Variants in KCNQ5 observed in about 807,000 individuals in gnomAD.
The protein encoded by KCNQ5 is potassium voltage-gated channel subfamily KQT member 5.
KCNQ5 carries 30 observed loss-of-function variants against 98.2 expected under a neutral mutation model. The observed-to-expected ratio is 0.31, with a 90% CI of 0.23 to 0.41. The LOEUF is 0.41. Among genes scored for constraint, KCNQ5 ranks in the 10% least tolerant of loss-of-function variants. KCNQ5 has a pLI of 1.00. For synonymous variants in KCNQ5, 458 were observed against 449.4 expected, an observed-to-expected ratio of 1.02 and a Z score of -0.24; for missense variants, 835 against 1,182.5, an observed-to-expected ratio of 0.71 and a Z score of 4.31.
At chr6:72,882,394 G>T (rs540323337) in intron 1 of KCNQ5, among the ~76,000 whole-genome samples, 1 of 152,238 alleles carries the variant, frequency 6.6e-6, no homozygotes, top group South Asian at 2.1e-4. Flanking sequence ...CAGGGTACGG[G>T]CATCAACTAG....
chr6:72,976,450 T>A (rs1768163574), intron 1 of KCNQ5, among the ~76,000 whole-genome samples: 1 of 152,242 alleles, frequency 6.6e-6, no homozygotes, highest in African/African-American at 2.4e-5. Flanking sequence ...TTATTTTCCA[T>A]AGTGTCAGCA....
intron 1 of KCNQ5, among the ~76,000 whole-genome samples, chr6:72,822,294 T>C (rs1014224319): frequency 6.6e-6 from 1 of 152,210 alleles, no homozygotes; most frequent in Non-Finnish European, 1.5e-5. Context: ...TGCCACTGTA[T>C]GTGGTCATTT....
intron 1 of KCNQ5, among the ~76,000 whole-genome samples, chr6:72,671,763 G>A (rs1767118561): frequency 6.6e-6 from 1 of 151,838 alleles, no homozygotes; most frequent in Non-Finnish European, 1.5e-5. Context: ...ATTTTTTGGT[G>A]GTATATGTAT....
chr6:73,110,558 A>G (rs1775201901), intron 6 of KCNQ5, among the ~76,000 whole-genome samples: 1 of 152,220 alleles, frequency 6.6e-6, no homozygotes, highest in South Asian at 2.1e-4. Flanking sequence ...AGCCAAAATA[A>G]AAAAGGCAAG....
intron 1 of KCNQ5, among the ~76,000 whole-genome samples, chr6:72,789,302 G>A (rs943899695): frequency 2.0e-5 from 3 of 152,028 alleles, no homozygotes; most frequent in East Asian, 1.9e-4. Flanking sequence ...GATCACAGGA[G>A]CCCGCCACCA....
At chr6:73,183,715 G>C (rs1778478765) in intron 11 of KCNQ5, among the ~76,000 whole-genome samples, 1 of 152,192 alleles carries the variant, frequency 6.6e-6, no homozygotes, top group Non-Finnish European at 1.5e-5. Flanking sequence ...TGAAAATCGT[G>C]TACTGTCCTG....
At chr6:72,662,507 A>G (rs544590602) in intron 1 of KCNQ5, among the ~76,000 whole-genome samples, 4 of 152,284 alleles carry the variant, frequency 2.6e-5, no homozygotes, top group Admixed American at 6.5e-5. Context: ...CACCATGCCC[A>G]TGAGAGACAA....
intron 1 of KCNQ5, among the ~76,000 whole-genome samples, chr6:72,746,379 A>T (rs576294447): frequency 1.3e-5 from 2 of 152,070 alleles, no homozygotes; most frequent in East Asian, 3.9e-4. Context: ...TCTCTTTCTC[A>T]TGATTTTCTC....
intron 3 of KCNQ5, among the ~76,000 whole-genome samples, chr6:73,054,632 A>G (rs1037832272): frequency 2.6e-5 from 4 of 152,366 alleles, no homozygotes; most frequent in African/African-American, 7.2e-5. Context: ...GGCTTTTGAT[A>G]AAGTTCAACA....
intron 8 of KCNQ5, among the ~76,000 whole-genome samples, chr6:73,122,266 C>T (rs1159408960): frequency 1.3e-5 from 2 of 152,162 alleles, no homozygotes; most frequent in Non-Finnish European, 2.9e-5. Flanking sequence ...TCTCAAGTGA[C>T]AGAGGAGAGT....
chr6:72,987,182 G>T, intron 1 of KCNQ5: 1 of 683,594 alleles, frequency 1.5e-6, no homozygotes. Context: ...AGGTAGAGCA[G>T]CCAATCATTG....
At position 72,936,747 on chromosome 6, in the gene KCNQ5, G is replaced by A. The variant is rs1201716353; in HGVS notation, c.399-67161G>A. Among the ~76,000 whole-genome samples the A allele has an allele frequency of 2.0e-5, 3 of 152,110 alleles. No homozygotes were observed. The East Asian group carries it at 5.8e-4, about 29-fold the overall frequency. ...CTTAACTCATTAAAATATAAATGCTGTAACAAATTCTTGGCTTTTGTCAAA... is the reference window on the plus strand; with the variant it reads ...CTTAACTCATTAAAATATAAATGCTATAACAAATTCTTGGCTTTTGTCAAA... On this transcript the variant is annotated intron_variant, in intron 1 of 13. Transcript: ENST00000370398.
At chr6:72,809,457 C>T (rs1201861050) in intron 1 of KCNQ5, among the ~76,000 whole-genome samples, 14 of 151,786 alleles carry the variant, frequency 9.2e-5, no homozygotes, top group Admixed American at 8.5e-4. Flanking sequence ...GAGGCTGAGG[C>T]AGGGGAATTG....
chr6:73,038,522 G>A (rs1392976885), intron 2 of KCNQ5, among the ~76,000 whole-genome samples: 4 of 151,906 alleles, frequency 2.6e-5, no homozygotes, highest in East Asian at 1.9e-4. Context: ...GCTATTTATC[G>A]AATTAAACTG....
chr6:72,667,420 C>T lies in KCNQ5; in HGVS notation c.398+44833C>T, dbSNP rs140414440. On this transcript the variant is annotated intron_variant, in intron 1 of 13. Transcript: ENST00000370398. Reference sequence around the variant, plus strand: ...CCTTTGCCTTTTTTTGTTTTGAAAGCTGACAGTTCAGGAATAAGAAAATTG... The same window carrying T: ...CCTTTGCCTTTTTTTGTTTTGAAAGTTGACAGTTCAGGAATAAGAAAATTG... 3.7e-4 allele frequency among the ~76,000 whole-genome samples: 57 copies of T among 152,148 alleles called. 1 individual carries two copies. In the East Asian group the frequency reaches 9.5e-3, roughly 25 times the overall value.
chr6:72,669,930 A>G (rs1767016313), intron 1 of KCNQ5, among the ~76,000 whole-genome samples: 1 of 131,222 alleles, frequency 7.6e-6, no homozygotes, highest in South Asian at 2.3e-4. Context: ...TTTTTTTGGA[A>G]TGTGGATGGG....
At chr6:73,134,748 C>T (rs1776396731) in intron 10 of KCNQ5, 1 of 152,470 alleles carries the variant, frequency 6.6e-6, no homozygotes, top group African/African-American at 2.4e-5. Context: ...TTGCAGGTCC[C>T]ATATGGGCGC....
Position 73,192,649 on chromosome 6 carries a change from C to T in KCNQ5, c.1794C>T (p.Asp598=), listed in dbSNP as rs775892201. ...TAACAGCAGAACATGAGACCACAGA[C>T]GATCTCAGTATGCTCGGTCGGGTGG... is the stretch of plus-strand genomic sequence containing the variant. ...EKITAEHETT[D]DLSMLGRVVK... is the part of the protein sequence containing the mutation. Residue 598 remains aspartate, a synonymous_variant, in exon 13 of 14, where the codon GAC becomes GAT. Coordinates refer to ENST00000370398, the MANE Select transcript of KCNQ5 (RefSeq NM_019842.4). The T allele has an allele frequency of 1.4e-5, 23 of 1,611,236 alleles. No individual in the cohort carries two copies. Among genetic ancestry groups the T allele is most frequent in the Middle Eastern group, 1.6e-4 (1 of 6,078 alleles).
chr6:72,997,483 A>T (rs1053747331), intron 1 of KCNQ5, among the ~76,000 whole-genome samples: 6 of 152,050 alleles, frequency 3.9e-5, no homozygotes, highest in African/African-American at 1.4e-4. Flanking sequence ...CGATATTTTT[A>T]AAACTTCACA....
Sources: gnomAD v4.1 joint callset for allele counts (sites outside exome capture counted in the v4.1 genomes callset) on GRCh38, gnomAD v4.1.1 for gene constraint, MANE v1.5 for transcripts, NCBI Gene and HGNC (gene_info 2026-07-23, HGNC 2026-07-21) for gene names.